TBX4: variants seen among roughly 807,000 people sequenced by gnomAD.
The protein encoded by TBX4 is T-box transcription factor 4, also known as T-box transcription factor TBX4.
A neutral mutation model predicts 54.6 loss-of-function variants in TBX4; 13 were observed. The observed-to-expected ratio is 0.24, with a 90% CI of 0.15 to 0.38. TBX4 has a LOEUF of 0.38. TBX4 is among the 10% of genes least tolerant of loss of function. The pLI, the probability that TBX4 is intolerant of heterozygous loss-of-function variation, is 1.00. For missense variants in TBX4, 631 were observed against 728.5 expected, an observed-to-expected ratio of 0.87 and a Z score of 1.54; for synonymous variants, 314 against 306.7, an observed-to-expected ratio of 1.02 and a Z score of -0.25.
chr17:61,478,154 C>T lies in TBX4; in HGVS notation c.550-473C>T, dbSNP rs1441106237. On this transcript the variant is annotated intron_variant, in intron 5 of 8. Transcript: ENST00000644296. This position sits in a 1 kb window ranked among gnomAD's most constrained non-coding sequence, Gnocchi z 7.4. ...GAAGAGGTGAGGCTGGAGGGGGACC[C>T]CTGAGGGAGGGAGGTTACATGTTAT... 6.6e-6 allele frequency among the ~76,000 whole-genome samples: 1 copy of T among 151,938 alleles called. No individual in the cohort carries two copies. Among genetic ancestry groups the T allele is most frequent in the Non-Finnish European group, 1.5e-5 (1 of 67,994 alleles).
In TBX4 at chr17:61,459,962, A is replaced by G. The variant is rs945323210; in HGVS notation, c.281+2331A>G. 1.3e-5 allele frequency among the ~76,000 whole-genome samples: 2 copies of G among 151,284 alleles called. No homozygotes were observed. The highest frequency in any genetic ancestry group is 4.9e-5 in the African/African-American group (2 of 41,060). ...GCTGTGGTTCTTCAACATCCTGTCC[A>G]GTGCCTCTCCCTGCTCCCCAAATTC... is the stretch of plus-strand genomic sequence containing the variant. On this transcript the variant is annotated intron_variant, in intron 3 of 8. Coordinates refer to ENST00000644296, the MANE Select transcript of TBX4 (RefSeq NM_001321120.2). The surrounding 1 kb of genome is among the most constrained non-coding windows in gnomAD (Gnocchi z 4.8).
chr17:61,467,086 G>A (rs965508725), intron 4 of TBX4, among the ~76,000 whole-genome samples: 6 of 152,114 alleles, frequency 3.9e-5, no homozygotes, highest in Non-Finnish European at 5.9e-5. Flanking sequence ...TTGAGCCCAG[G>A]AATTGGAGGC....
intron 5 of TBX4, among the ~76,000 whole-genome samples, chr17:61,468,234 C>T (rs910519902): frequency 6.6e-6 from 1 of 152,226 alleles, no homozygotes; most frequent in African/African-American, 2.4e-5. Context: ...TTGGCCTGGT[C>T]CTTACAGAAG....
intron 2 of TBX4, 108 bp downstream of exon 2, chr17:61,456,784 C>A: frequency 1.1e-6 from 1 of 881,466 alleles, no homozygotes; most frequent in Non-Finnish European, 1.5e-6. Flanking sequence ...TTCAGGAGGA[C>A]CTGGCTGCAT....
rs1396444440 is a variant in TBX4, at chr17:61,481,009, TC to T, written c.1021+693del. 1.3e-5 allele frequency among the ~76,000 whole-genome samples: 2 copies of T among 152,178 alleles called. No homozygotes were observed. The highest frequency in any genetic ancestry group is 2.9e-5 in the Non-Finnish European group (2 of 68,040). ...GAAGACCTCATGGGGCTGCTGAAAT[TC>T]CCTTCGGAATGAGCCTGGGGACTTT... On this transcript the variant is annotated intron_variant, in intron 8 of 8. Transcript: ENST00000644296. This position sits in a 1 kb window ranked among gnomAD's most constrained non-coding sequence, Gnocchi z 4.8.
Position 61,481,259 on chromosome 17 carries a change from T to C in TBX4, c.1021+940T>C, listed in dbSNP as rs1455453408. 1 of 152,242 alleles carries C rather than the reference T, an allele frequency of 6.6e-6. No individual in the cohort carries two copies. The highest frequency in any genetic ancestry group is 1.5e-5 in the Non-Finnish European group (1 of 68,036). The allele number at this position is 152,242 out of a possible 1,614,324, so 9.4% of individuals were successfully genotyped here. ...AATATTTCATGAGATGTGAGCATTATGTGAAATTAAAGTTTTAGTGTCCAT... is the reference window on the plus strand; with the variant it reads ...AATATTTCATGAGATGTGAGCATTACGTGAAATTAAAGTTTTAGTGTCCAT... On this transcript the variant is annotated intron_variant, in intron 8 of 8. Coordinates refer to ENST00000644296, the MANE Select transcript of TBX4 (RefSeq NM_001321120.2). The surrounding 1 kb of genome is among the most constrained non-coding windows in gnomAD (Gnocchi z 4.8).
chr17:61,472,457 T>C lies in TBX4; in HGVS notation c.549+4800T>C, dbSNP rs1337694522. On this transcript the variant is annotated intron_variant, in intron 5 of 8. Transcript: ENST00000644296. This position sits in a 1 kb window ranked among gnomAD's most constrained non-coding sequence, Gnocchi z 4.5. ...CCTCTCCTGCGAACTGCTGTTCTCA[T>C]CCTTTGCTCATTTTTCTTGTAGGTT... Among the ~76,000 whole-genome samples, 3 of 152,236 alleles carry C rather than the reference T, an allele frequency of 2.0e-5. No homozygotes were observed. The highest frequency in any genetic ancestry group is 2.0e-4 in the Admixed American group (3 of 15,282).
intron 5 of TBX4, among the ~76,000 whole-genome samples, chr17:61,468,738 G>C (rs1369551587): frequency 6.6e-6 from 1 of 152,216 alleles, no homozygotes; most frequent in Non-Finnish European, 1.5e-5. Context: ...ATCTTATCTG[G>C]TTTGTGAGTC....
chr17:61,478,595 C>T lies in TBX4; in HGVS notation c.550-32C>T, dbSNP rs781165341. ...GGGCCTGGGGCTTGCGGATGGGGAC[C>T]TGGAGCTCAGCATGAGACCCTTCTC... On this transcript the variant is annotated intron_variant, in intron 5 of 8. Transcript: ENST00000644296. This position sits in a 1 kb window ranked among gnomAD's most constrained non-coding sequence, Gnocchi z 7.4. 6.2e-7 allele frequency: 1 copy of T among 1,614,080 alleles called. No individual in the cohort carries two copies. Among genetic ancestry groups the T allele is most frequent in the African/African-American group, 1.3e-5 (1 of 74,938 alleles).
At position 61,479,647 on chromosome 17, in the gene TBX4, C is replaced by T. The variant is rs1167099053; in HGVS notation, c.703-234C>T. Among the ~76,000 whole-genome samples, 2 of 152,076 alleles carry T rather than the reference C, an allele frequency of 1.3e-5. No homozygotes were observed. Among genetic ancestry groups the T allele is most frequent in the Non-Finnish European group, 2.9e-5 (2 of 68,002 alleles). On this transcript the variant is annotated intron_variant, in intron 6 of 8. Coordinates refer to ENST00000644296, the MANE Select transcript of TBX4 (RefSeq NM_001321120.2). The surrounding 1 kb of genome is among the most constrained non-coding windows in gnomAD (Gnocchi z 6.1). The stretch of plus-strand genomic sequence containing the variant: ...GACAAACCAGGTGTGAATGGCAAGG[C>T]CCACTTCCCCAGACCTGCCCCAGTT...
rs1217796117 is a variant in TBX4, at chr17:61,475,933, CT to C, written c.550-2693del. On this transcript the variant is annotated intron_variant, in intron 5 of 8. Coordinates refer to ENST00000644296, the MANE Select transcript of TBX4 (RefSeq NM_001321120.2). This position sits in a 1 kb window ranked among gnomAD's most constrained non-coding sequence, Gnocchi z 5.0. ...CACATGTTTCATCACCACTTTTGACCTAGGAAATGCCTTAGAGATGATCTCG... is the reference window on the plus strand; with the variant it reads ...CACATGTTTCATCACCACTTTTGACCAGGAAATGCCTTAGAGATGATCTCG... 1.3e-5 allele frequency among the ~76,000 whole-genome samples: 2 copies of C among 152,032 alleles called. No homozygotes were observed. Among genetic ancestry groups the C allele is most frequent in the Non-Finnish European group, 2.9e-5 (2 of 68,020 alleles).
In TBX4 at chr17:61,456,659, G is replaced by C; in HGVS notation, c.169G>C (p.Ala57Pro). Reference protein sequence around the residue: ...PPGPGADVVAAAAAEQTIENI... With the variant: ...PPGPGADVVAPAAAEQTIENI... ...GGGACCCGGGGCCGACGTCGTCGCC[G>C]CCGCCGCCGCGGAGCAGGTAGGGCT... Residue 57 changes from alanine (A) to proline (P), a missense_variant, in exon 2 of 9, where the codon GCC (alanine) becomes CCC (proline). By Grantham distance (27) the Ala-to-Pro change is conservative (BLOSUM62 -1). Transcript: ENST00000644296. The C allele has an allele frequency of 7.4e-7, 1 of 1,351,696 alleles. No homozygotes were observed. The allele number at this position is 1,351,696 out of a possible 1,614,324, so 83.7% of individuals were successfully genotyped here.
rs2060445529 is a variant in TBX4, at chr17:61,456,030, C to A, written c.-3-458C>A. Among the ~76,000 whole-genome samples, 3 of 152,292 alleles carry A rather than the reference C, an allele frequency of 2.0e-5. No individual in the cohort carries two copies. In the South Asian group the frequency reaches 6.2e-4, roughly 32 times the overall value. On this transcript the variant is annotated intron_variant, in intron 1 of 8. Transcript: ENST00000644296. Reference sequence around the variant, plus strand: ...TGGAGCTGCAGGAGCCTGGGCCCTGCCCTCCAGCCTGGCTCTCCTTTCCTG... The same window carrying A: ...TGGAGCTGCAGGAGCCTGGGCCCTGACCTCCAGCCTGGCTCTCCTTTCCTG...
At position 61,484,945 on chromosome 17, in the gene TBX4, A is replaced by AATATATATAT. The variant is rs56105625; in HGVS notation, c.*1447_*1456dup. Reference sequence around the variant, plus strand: ...ATGGTTTAGATAAAACATATAAATAAATATATATATATATATATATATATA... The same window carrying AATATATATAT: ...ATGGTTTAGATAAAACATATAAATAAATATATATATATATATATATATATATATATATATA... On this transcript the variant is annotated 3_prime_UTR_variant, in exon 9 of 9. Transcript: ENST00000644296. This position sits in a 1 kb window ranked among gnomAD's most constrained non-coding sequence, Gnocchi z 4.1. 79 of 140,598 alleles carry AATATATATAT rather than the reference A, an allele frequency of 5.6e-4. No homozygotes were observed. The highest frequency in any genetic ancestry group is 3.8e-3 in the East Asian group (19 of 4,940). The allele number at this position is 140,598 out of a possible 1,614,324, so 8.7% of individuals were successfully genotyped here.
chr17:61,467,552 G>A lies in TBX4; in HGVS notation c.444G>A (p.Leu148=). ...GKAEPAMPGR[L]YVHPDSPATG... ...CTGAGCCAGCCATGCCAGGAAGGCT[G>A]TATGTCCACCCGGATTCTCCTGCCA... Residue 148 remains leucine, a synonymous_variant, in exon 5 of 9, where the codon CTG becomes CTA. Coordinates refer to ENST00000644296, the MANE Select transcript of TBX4 (RefSeq NM_001321120.2). The A allele has an allele frequency of 3.7e-6, 6 of 1,614,222 alleles. No homozygotes were observed. The highest frequency in any genetic ancestry group is 4.2e-6 in the Non-Finnish European group (5 of 1,180,040).
intron 1 of TBX4, chr17:61,453,004 C>T: frequency 1.0e-6 from 1 of 984,856 alleles, no homozygotes; most frequent in South Asian, 4.7e-5. Flanking sequence ...GATCAGAACA[C>T]TAGACTCAGA....
In TBX4 at chr17:61,478,292, C is replaced by T; in HGVS notation, c.550-335C>T. 2.6e-6 allele frequency: 1 copy of T among 380,824 alleles called. No homozygotes were observed. The highest frequency in any genetic ancestry group is 5.0e-6 in the Non-Finnish European group (1 of 199,848). 23.6% of individuals were successfully genotyped at this position (380,824 alleles called of 1,614,324 possible). On this transcript the variant is annotated intron_variant, in intron 5 of 8. Transcript: ENST00000644296. This position sits in a 1 kb window ranked among gnomAD's most constrained non-coding sequence, Gnocchi z 7.4. ...TTTTGCTGACAGCTCACAATTCCAC[C>T]TGCTACACTGTGCTGAGTTCACAGT...
chr17:61,453,015 G>A lies in TBX4; in HGVS notation c.-4+438G>A, dbSNP rs1029736139. 8.1e-6 allele frequency: 8 copies of A among 983,754 alleles called. No individual in the cohort carries two copies. The African/African-American group carries it at 1.2e-4, about 15-fold the overall frequency. The allele number at this position is 983,754 out of a possible 1,614,324, so 60.9% of individuals were successfully genotyped here. ...GAGTGATCAGAACACTAGACTCAGAGCCTTTGATGCAATAGACTAGTCAAA... is the reference window on the plus strand; with the variant it reads ...GAGTGATCAGAACACTAGACTCAGAACCTTTGATGCAATAGACTAGTCAAA... On this transcript the variant is annotated intron_variant, in intron 1 of 8. Coordinates refer to ENST00000644296, the MANE Select transcript of TBX4 (RefSeq NM_001321120.2).
Position 61,480,239 on chromosome 17 carries a change from C to A in TBX4, c.941C>A (p.Ala314Glu), listed in dbSNP as rs3744438. The change falls in exon 8 of 9, where the codon GCG becomes GAG. Residue 314 changes from alanine to glutamate, a missense_variant. This residue lies in a region of TBX4 where 354 missense variants were observed against 368.9 expected (regional missense o/e 0.96). Transcript: ENST00000644296. The surrounding 1 kb of genome is among the most constrained non-coding windows in gnomAD (Gnocchi z 6.2). Reference protein sequence around the residue: ...QHENGAHSQLAEPQDLPLSTF... With the variant: ...QHENGAHSQLEEPQDLPLSTF... ...GAGAACGGGGCACACTCACAGCTCG[C>A]GGAGCCGCAGGACCTGCCCCTCAGC... 4 of 1,613,860 alleles carry A rather than the reference C, an allele frequency of 2.5e-6. No individual in the cohort carries two copies. Among genetic ancestry groups the A allele is most frequent in the South Asian group, 1.1e-5 (1 of 91,080 alleles).
Sources: gnomAD v4.1 joint callset for allele counts (sites outside exome capture counted in the v4.1 genomes callset) on GRCh38, gnomAD v4.1.1 for gene constraint, gnomAD v4.1.1 regional missense constraint, Gnocchi (gnomAD v3.1) non-coding constraint, MANE v1.5 for transcripts, NCBI Gene and HGNC (gene_info 2026-07-23, HGNC 2026-07-21) for gene names.